Variants in OTUD7A observed in about 807,000 individuals in gnomAD.
OTUD7A encodes OTU deubiquitinase 7A.
Under a neutral mutation model 65.7 loss-of-function variants are expected in OTUD7A, and 12 were observed. That is an observed-to-expected ratio of 0.18 (90% CI 0.12 to 0.30). The LOEUF is 0.30. OTUD7A is among the 10% of genes least tolerant of loss of function. The pLI, the probability that OTUD7A is intolerant of heterozygous loss-of-function variation, is 1.00. For missense variants in OTUD7A, 1,148 were observed against 1,304.8 expected, an observed-to-expected ratio of 0.88 and a Z score of 1.85; for synonymous variants, 641 against 586.3, an observed-to-expected ratio of 1.09 and a Z score of -1.35.
chr15:31,637,543 C>A, intron 3 of OTUD7A, among the ~76,000 whole-genome samples: 1 of 152,234 alleles, frequency 6.6e-6, no homozygotes, highest in East Asian at 1.9e-4. Flanking sequence ...TTTTGACTTG[C>A]AACTCTTATT....
chr15:31,782,771 T>C (rs1430680825), intron 1 of OTUD7A, among the ~76,000 whole-genome samples: 4 of 152,208 alleles, frequency 2.6e-5, no homozygotes, highest in East Asian at 1.9e-4. Context: ...TCAAATTTTC[T>C]GATTATCTCA....
At chr15:31,552,990 C>T (rs78123353) in intron 5 of OTUD7A, among the ~76,000 whole-genome samples, 4,403 of 152,198 alleles carry the variant, frequency 0.029, 204 homozygotes, top group African/African-American at 0.1. Flanking sequence ...TCACAGCAGC[C>T]GATGGTGAGA....
chr15:31,591,119 A>T (rs1470510826), intron 3 of OTUD7A, among the ~76,000 whole-genome samples: 1 of 151,980 alleles, frequency 6.6e-6, no homozygotes, highest in Non-Finnish European at 1.5e-5. Context: ...CCGGGAGAGG[A>T]AGAGGGAGGG....
At chr15:31,746,679 AG>A (rs774242386) in intron 1 of OTUD7A, among the ~76,000 whole-genome samples, 39 of 152,040 alleles carry the variant, frequency 2.6e-4, no homozygotes, top group Non-Finnish European at 4.7e-4. Flanking sequence ...TATTTTTAGT[AG>A]AGACAGGGTT....
Position 31,480,278 on chromosome 15 carries a change from T to A in OTUD7A, c.*3016A>T, listed in dbSNP as rs574426322. 1.3e-5 allele frequency: 2 copies of A among 152,288 alleles called. No homozygotes were observed. Among genetic ancestry groups the A allele is most frequent in the South Asian group, 4.1e-4 (2 of 4,828 alleles). The allele number at this position is 152,288 out of a possible 1,614,324, so 9.4% of individuals were successfully genotyped here. On this transcript the variant is annotated 3_prime_UTR_variant, in exon 13 of 13. Transcript: ENST00000307050. ...AAAACACCTTCCCTTAACAATATTT[T>A]AAAAAAATCATTTACCCAGATAACA...
chr15:31,696,322 C>CAA (rs1228095985), intron 1 of OTUD7A, among the ~76,000 whole-genome samples: 12 of 134,446 alleles, frequency 8.9e-5, no homozygotes, highest in Admixed American at 2.3e-4. Context: ...GCCAGTCTGG[C>CAA]AAGTCACAGG....
At chr15:31,725,789 C>A (rs1893867181) in intron 1 of OTUD7A, among the ~76,000 whole-genome samples, 1 of 152,134 alleles carries the variant, frequency 6.6e-6, no homozygotes, top group Non-Finnish European at 1.5e-5. Flanking sequence ...TTCCTCCTGC[C>A]CCTAAGCCTG....
chr15:31,711,868 C>T (rs966963311), intron 1 of OTUD7A, among the ~76,000 whole-genome samples: 1 of 151,968 alleles, frequency 6.6e-6, no homozygotes, highest in African/African-American at 2.4e-5. Context: ...GCTGGAAGGC[C>T]ATGGCCACTT....
chr15:31,788,963 C>T (rs1787330731), intron 1 of OTUD7A, among the ~76,000 whole-genome samples: 1 of 152,144 alleles, frequency 6.6e-6, no homozygotes, highest in South Asian at 2.1e-4. Flanking sequence ...TTCCTAAATG[C>T]CAGGACCCAA....
At chr15:31,643,429 T>C (rs1891576220) in intron 3 of OTUD7A, among the ~76,000 whole-genome samples, 1 of 152,258 alleles carries the variant, frequency 6.6e-6, no homozygotes, top group Admixed American at 6.5e-5. Context: ...TGAGTTACTT[T>C]TTCATCTCAG....
chr15:31,765,210 T>C (rs1389806368), intron 1 of OTUD7A, among the ~76,000 whole-genome samples: 1 of 152,044 alleles, frequency 6.6e-6, no homozygotes, highest in Non-Finnish European at 1.5e-5. Context: ...TGATAAAATA[T>C]ATACATATTT....
chr15:31,488,398 C>A (rs949276404), intron 10 of OTUD7A, among the ~76,000 whole-genome samples: 1 of 152,176 alleles, frequency 6.6e-6, no homozygotes, highest in Non-Finnish European at 1.5e-5. Context: ...CTTCTAGGAG[C>A]TTCTGAGCTG....
At chr15:31,766,485 T>C in intron 1 of OTUD7A, 1 of 1,603,168 alleles carries the variant, frequency 6.2e-7, no homozygotes, top group Non-Finnish European at 8.5e-7. Context: ...TATTGTACTT[T>C]TGCAGAGTCT....
intron 1 of OTUD7A, among the ~76,000 whole-genome samples, chr15:31,861,743 C>T (rs967405006): frequency 6.6e-6 from 1 of 152,196 alleles, no homozygotes; most frequent in African/African-American, 2.4e-5. Context: ...TAAGTACAGC[C>T]TTTCAATGTG....
chr15:31,553,700 T>C (rs1232502137), intron 5 of OTUD7A, among the ~76,000 whole-genome samples: 1 of 151,866 alleles, frequency 6.6e-6, no homozygotes, highest in African/African-American at 2.4e-5. Context: ...CCCTCCATCA[T>C]CAAGGCCTGT....
chr15:31,641,821 A>G (rs1254701416), intron 3 of OTUD7A, among the ~76,000 whole-genome samples: 2 of 152,214 alleles, frequency 1.3e-5, no homozygotes, highest in Non-Finnish European at 2.9e-5. Context: ...TTTAAATTCC[A>G]TTAGATATTC....
chr15:31,802,105 G>GTA (rs1896144058), intron 1 of OTUD7A, among the ~76,000 whole-genome samples: 1 of 15,352 alleles, frequency 6.5e-5, no homozygotes, highest in Admixed American at 1.1e-3. Context: ...GTGTATATAT[G>GTA]TGTGTGTGTG....
intron 5 of OTUD7A, among the ~76,000 whole-genome samples, chr15:31,551,643 C>T (rs146032996): frequency 1.1e-4 from 17 of 152,294 alleles, no homozygotes; most frequent in Admixed American, 9.2e-4. Context: ...CATCACCCCA[C>T]GACATTTTGA....
At chr15:31,757,139 C>T (rs1894838546) in intron 1 of OTUD7A, among the ~76,000 whole-genome samples, 1 of 152,104 alleles carries the variant, frequency 6.6e-6, no homozygotes, top group Non-Finnish European at 1.5e-5. Flanking sequence ...ACCCCAGCTC[C>T]TGCTTTTCTC....
Sources: allele counts gnomAD v4.1 joint callset (sites outside exome capture counted in the v4.1 genomes callset), GRCh38; gene constraint gnomAD v4.1.1; transcripts MANE v1.5; gene names NCBI Gene and HGNC (gene_info 2026-07-23, HGNC 2026-07-21).